The following CDH13 variants were observed in gnomAD, a reference collection of about 807,000 sequenced individuals.
The protein encoded by CDH13 is cadherin 13.
In CDH13, 24 loss-of-function variants were observed where a neutral mutation model predicts 63.8. That is an observed-to-expected ratio of 0.38 (90% confidence interval 0.27 to 0.53). CDH13 has a LOEUF of 0.53. Ranked by LOEUF, CDH13 falls within the 20% of genes least tolerant of loss-of-function variation. The pLI is 0.85. For synonymous variants in CDH13, 503 were observed against 355.3 expected (o/e 1.42, Z -4.67); for missense variants, 1,049 against 903.1 (o/e 1.16, Z -2.07).
At chr16:82,901,354 G>GTA (rs2041463110) in intron 2 of CDH13, among the ~76,000 whole-genome samples, 1 of 150,100 alleles carries the variant, frequency 6.7e-6, no homozygotes, top group African/African-American at 2.4e-5. Context: ...GTGTGTGTGT[G>GTA]TGTGTGTGTG....
At chr16:82,919,614 T>C (rs987134431) in intron 2 of CDH13, among the ~76,000 whole-genome samples, 2 of 152,234 alleles carry the variant, frequency 1.3e-5, no homozygotes, top group African/African-American at 4.8e-5. Flanking sequence ...TCACCATTGA[T>C]GGGCATTTAG....
intron 2 of CDH13, among the ~76,000 whole-genome samples, chr16:82,966,537 A>G (rs533989940): frequency 4.6e-5 from 7 of 152,342 alleles, no homozygotes; most frequent in Non-Finnish European, 8.8e-5. Context: ...TCTGGGCTCA[A>G]ACATTCCGAT....
At chr16:83,734,666 G>A (rs1911362880) in intron 10 of CDH13, among the ~76,000 whole-genome samples, 2 of 150,830 alleles carry the variant, frequency 1.3e-5, no homozygotes, top group Admixed American at 6.6e-5. Flanking sequence ...ACACCAGCAT[G>A]GCACATGTAT....
At chr16:83,067,216 G>A (rs940103006) in intron 3 of CDH13, among the ~76,000 whole-genome samples, 1 of 152,134 alleles carries the variant, frequency 6.6e-6, no homozygotes, top group East Asian at 1.9e-4. Flanking sequence ...GCAGCAGAAG[G>A]CAACTGACTG....
At chr16:83,329,676 C>G (rs769502875) in intron 5 of CDH13, among the ~76,000 whole-genome samples, 13 of 152,184 alleles carry the variant, frequency 8.5e-5, no homozygotes, top group African/African-American at 2.9e-4. Flanking sequence ...CTATAGCTAC[C>G]CTTTGCCCCC....
In CDH13 at chr16:83,631,404, C is replaced by T. The variant is rs182982319; in HGVS notation, c.1101+28810C>T. 1.8e-4 allele frequency among the ~76,000 whole-genome samples: 28 copies of T among 152,224 alleles called. 1 individual carries two copies. In the Middle Eastern group the frequency reaches 0.014, roughly 74 times the overall value. ...GCCCTGTTGCTTGGAGAAGAAACATCATGTTAACTTCATTTGCTTGAACTC... is the reference window on the plus strand; with the variant it reads ...GCCCTGTTGCTTGGAGAAGAAACATTATGTTAACTTCATTTGCTTGAACTC... On this transcript the variant is annotated intron_variant, in intron 8 of 13. Transcript: ENST00000567109.
At chr16:82,992,051 T>C (rs1476498667) in intron 2 of CDH13, among the ~76,000 whole-genome samples, 2 of 152,104 alleles carry the variant, frequency 1.3e-5, no homozygotes, top group Non-Finnish European at 2.9e-5. Context: ...AAAGGAGCAT[T>C]GAGGAAGAAG....
intron 1 of CDH13, among the ~76,000 whole-genome samples, chr16:82,754,263 T>A (rs2875708): frequency 0.047 from 7,216 of 152,240 alleles, 180 homozygotes; most frequent in Middle Eastern, 0.058. Context: ...TTAACATTCC[T>A]TGCTTCTCCT....
intron 12 of CDH13, among the ~76,000 whole-genome samples, chr16:83,780,836 A>C (rs1367888380): frequency 1.3e-5 from 2 of 152,234 alleles, no homozygotes; most frequent in Admixed American, 1.3e-4. Flanking sequence ...CTCTTGGCTC[A>C]GCTGTCTTTC....
At chr16:82,947,891 A>G (rs1345947514) in intron 2 of CDH13, among the ~76,000 whole-genome samples, 3 of 152,184 alleles carry the variant, frequency 2.0e-5, no homozygotes, top group Non-Finnish European at 4.4e-5. Flanking sequence ...TGAATTCATG[A>G]TGGAACTAGT....
intron 1 of CDH13, among the ~76,000 whole-genome samples, chr16:82,821,210 T>A (rs1419093194): frequency 6.6e-6 from 1 of 152,234 alleles, no homozygotes; most frequent in Non-Finnish European, 1.5e-5. Context: ...TTTCTGGTTT[T>A]ACTTTTAAAT....
intron 1 of CDH13, among the ~76,000 whole-genome samples, chr16:82,788,958 G>A (rs748278727): frequency 6.6e-5 from 10 of 152,158 alleles, no homozygotes; most frequent in Non-Finnish European, 1.0e-4. Flanking sequence ...GTGAGCTTCC[G>A]GGCTGAATCC....
intron 1 of CDH13, among the ~76,000 whole-genome samples, chr16:82,732,266 T>A (rs574371789): frequency 1.4e-4 from 21 of 152,178 alleles, no homozygotes; most frequent in African/African-American, 4.6e-4. Context: ...AACTGAATTG[T>A]GATTTAAAAA....
rs994811654 is a variant in CDH13, at chr16:83,151,101, C to T, written c.483+25600C>T. On this transcript the variant is annotated intron_variant, in intron 4 of 13. Transcript: ENST00000567109. ...TTCCCATACCACTCAACCTTACTACCTTTATTCACCCAGATACTAATCAGG... is the reference window on the plus strand; with the variant it reads ...TTCCCATACCACTCAACCTTACTACTTTTATTCACCCAGATACTAATCAGG... 1.4e-4 allele frequency among the ~76,000 whole-genome samples: 22 copies of T among 152,100 alleles called. 1 individual carries two copies. The highest frequency in any genetic ancestry group is 6.3e-3 in the Middle Eastern group (2 of 316).
chr16:83,010,779 C>T (rs1914072519), intron 2 of CDH13, among the ~76,000 whole-genome samples: 2 of 152,174 alleles, frequency 1.3e-5, no homozygotes, highest in African/African-American at 4.8e-5. Flanking sequence ...TAGAAACATC[C>T]TGCGGGGACA....
intron 3 of CDH13, among the ~76,000 whole-genome samples, chr16:83,070,811 G>A (rs1044759192): frequency 2.0e-5 from 3 of 148,328 alleles, no homozygotes; most frequent in African/African-American, 4.9e-5. Context: ...TTAAGCAATA[G>A]TATATAAATC....
chr16:83,149,071 A>C (rs1480153745), intron 4 of CDH13, among the ~76,000 whole-genome samples: 1 of 152,238 alleles, frequency 6.6e-6, no homozygotes, highest in Non-Finnish European at 1.5e-5. Context: ...GGAACATTTA[A>C]GAAATATGTC....
At chr16:83,305,706 G>A (rs543854237) in intron 5 of CDH13, among the ~76,000 whole-genome samples, 66 of 152,174 alleles carry the variant, frequency 4.3e-4, no homozygotes, top group African/African-American at 1.4e-3. Context: ...ATGTGATCCC[G>A]GGGGCAAATG....
Position 83,034,408 on chromosome 16 carries a change from G to A in CDH13, c.366+2190G>A, listed in dbSNP as rs184699258. On this transcript the variant is annotated intron_variant, in intron 3 of 13. Transcript: ENST00000567109. ...TACGGCACGTCAGTCATGTTTCAGAGGAAACTGGATATTGGTGAATTCATA... is the reference window on the plus strand; with the variant it reads ...TACGGCACGTCAGTCATGTTTCAGAAGAAACTGGATATTGGTGAATTCATA... Among the ~76,000 whole-genome samples, 5 of 152,272 alleles carry A rather than the reference G, an allele frequency of 3.3e-5. No homozygotes were observed. The East Asian group carries it at 5.8e-4, about 18-fold the overall frequency.
Sources: gnomAD v4.1 joint callset for allele counts (sites outside exome capture counted in the v4.1 genomes callset) on GRCh38, gnomAD v4.1.1 for gene constraint, MANE v1.5 for transcripts, NCBI Gene and HGNC (gene_info 2026-07-23, HGNC 2026-07-21) for gene names.